Variants in ETS1 observed in about 807,000 individuals in gnomAD.
ETS1 encodes the protein protein C-ets-1.
In ETS1, 15 loss-of-function variants were observed where a neutral mutation model predicts 58.6. The ratio of observed to expected loss-of-function variants is 0.26; its 90% CI spans 0.17 to 0.39. The LOEUF is 0.39. Among genes scored for constraint, ETS1 ranks in the 10% least tolerant of loss-of-function variants. The pLI, the probability that ETS1 is intolerant of heterozygous loss-of-function variation, is 1.00. For synonymous variants in ETS1, 214 were observed against 218.2 expected (o/e 0.98, Z 0.17); for missense variants, 417 against 610.5 (o/e 0.68, Z 3.34).
chr11:128,585,022 A>AAGGAAGGAAG (rs1555092954), intron 1 of ETS1, among the ~76,000 whole-genome samples: 1 of 14,362 alleles, frequency 7.0e-5, no homozygotes, highest in Non-Finnish European at 1.4e-4. Context: ...GAAAGAAAGA[A>AAGGAAGGAAG]GAAAGAAAGA....
intron 3 of ETS1, among the ~76,000 whole-genome samples, chr11:128,544,340 A>AATTATATATATATATAT (rs1864099224): frequency 8.5e-6 from 1 of 117,088 alleles, no homozygotes; most frequent in African/African-American, 3.2e-5. Context: ...ATTGTTTACT[A>AATTATATATATATATAT]ATATATATAT....
chr11:128,515,218 G>A (rs183327526), intron 3 of ETS1, among the ~76,000 whole-genome samples: 22 of 151,758 alleles, frequency 1.4e-4, no homozygotes, highest in Admixed American at 1.1e-3. Context: ...ATGAAGACAC[G>A]TCCCTCTACT....
chr11:128,467,177 G>A (rs567178541), intron 8 of ETS1, among the ~76,000 whole-genome samples: 2 of 152,202 alleles, frequency 1.3e-5, no homozygotes, highest in African/African-American at 4.8e-5. Flanking sequence ...GCAGTTCCTG[G>A]CTGGGCCCGT....
chr11:128,585,794 AATCCCTG>A (rs1258304099), intron 1 of ETS1, among the ~76,000 whole-genome samples: 1 of 152,216 alleles, frequency 6.6e-6, no homozygotes, highest in Non-Finnish European at 1.5e-5. Context: ...AGACACGTTC[AATCCCTG>A]TTCTCTGTTA....
chr11:128,521,840 G>T, intron 3 of ETS1: 2 of 1,217,508 alleles, frequency 1.6e-6, no homozygotes. Context: ...AACGGCGAAA[G>T]GGGGAAGAAG....
At chr11:128,517,501 G>A (rs1565393087) in intron 3 of ETS1, among the ~76,000 whole-genome samples, 1 of 152,182 alleles carries the variant, frequency 6.6e-6, no homozygotes, top group Non-Finnish European at 1.5e-5. Flanking sequence ...ATCTGGCTGT[G>A]CCCAGCACAC....
chr11:128,479,653 A>C (rs1476838486), intron 8 of ETS1, among the ~76,000 whole-genome samples: 1 of 152,202 alleles, frequency 6.6e-6, no homozygotes, highest in East Asian at 1.9e-4. Flanking sequence ...GAGTAAGAGA[A>C]GGGGCATTCT....
chr11:128,585,314 A>AGG (rs1198898090), intron 1 of ETS1, among the ~76,000 whole-genome samples: 2 of 94,996 alleles, frequency 2.1e-5, no homozygotes, highest in African/African-American at 3.8e-5. Flanking sequence ...GAAGGGAGGG[A>AGG]AGAAGGAAGG....
intron 9 of ETS1, 96 bp from the exon 10 acceptor site, chr11:128,462,672 G>A (rs917049327): frequency 5.6e-5 from 48 of 861,416 alleles, no homozygotes; most frequent in Admixed American, 2.2e-4. Context: ...ACCCATTCAT[G>A]GTGACCCATG....
intron 1 of ETS1, among the ~76,000 whole-genome samples, chr11:128,578,741 C>A (rs1195777116): frequency 2.0e-5 from 3 of 152,060 alleles, no homozygotes; most frequent in African/African-American, 7.2e-5. Flanking sequence ...TCTTTTGTAA[C>A]CTGCTTTGTT....
At chr11:128,544,483 C>T (rs986589979) in intron 3 of ETS1, among the ~76,000 whole-genome samples, 2 of 151,504 alleles carry the variant, frequency 1.3e-5, no homozygotes. Flanking sequence ...TCCCTGAGCC[C>T]CTCACCCCTG....
In ETS1 at chr11:128,459,704, G is replaced by A. The variant is rs1861854463; in HGVS notation, c.*2657C>T. The A allele has an allele frequency of 6.5e-6, 1 of 152,756 alleles. No homozygotes were observed. The highest frequency in any genetic ancestry group is 1.5e-5 in the Non-Finnish European group (1 of 68,034). The allele number at this position is 152,756 out of a possible 1,614,324, so 9.5% of individuals were successfully genotyped here. On this transcript the variant is annotated 3_prime_UTR_variant, in exon 10 of 10. Coordinates refer to ENST00000392668, the MANE Select transcript of ETS1 (RefSeq NM_001143820.2). Reference sequence around the variant, plus strand: ...GATGGTCTCTGGCCTTTGGACAAAGGAGAAAAAACATCTGGCCAGATCGAC... The same window carrying A: ...GATGGTCTCTGGCCTTTGGACAAAGAAGAAAAAACATCTGGCCAGATCGAC...
rs1861905993 is a variant in ETS1, at chr11:128,461,564, G to C, written c.*797C>G. The C allele has an allele frequency of 6.6e-6, 1 of 152,532 alleles. No individual in the cohort carries two copies. Among genetic ancestry groups the C allele is most frequent in the South Asian group, 2.1e-4 (1 of 4,810 alleles). The allele number at this position is 152,532 out of a possible 1,614,324, so 9.4% of individuals were successfully genotyped here. On this transcript the variant is annotated 3_prime_UTR_variant, in exon 10 of 10. Coordinates refer to ENST00000392668, the MANE Select transcript of ETS1 (RefSeq NM_001143820.2). ...ACATAATTCCCCTGTACCCAAATCA[G>C]CATTAATTGTCCTTCTTATATAAGT...
At chr11:128,490,015 C>G (rs1862752651) in intron 4 of ETS1, among the ~76,000 whole-genome samples, 1 of 152,136 alleles carries the variant, frequency 6.6e-6, no homozygotes, top group Non-Finnish European at 1.5e-5. Context: ...TTATTAGGTG[C>G]CTGTATTATA....
Position 128,549,074 on chromosome 11 carries a change from T to C in ETS1, c.214+7217A>G, listed in dbSNP as rs1864184905. Among the ~76,000 whole-genome samples the C allele has an allele frequency of 6.6e-6, 1 of 152,118 alleles. No homozygotes were observed. The highest frequency in any genetic ancestry group is 1.5e-5 in the Non-Finnish European group (1 of 68,002). ...CGGGCCGCCTCCTCCAGCTGCAGGC[T>C]CCGGGCTGAGACCCCTGGCTGCAGT... is the stretch of plus-strand genomic sequence containing the variant. On this transcript the variant is annotated intron_variant, in intron 3 of 9. Coordinates refer to ENST00000392668, the MANE Select transcript of ETS1 (RefSeq NM_001143820.2). The surrounding 1 kb of genome is among the most constrained non-coding windows in gnomAD (Gnocchi z 4.3).
chr11:128,566,705 T>C (rs1319105362), intron 2 of ETS1, among the ~76,000 whole-genome samples: 2 of 150,706 alleles, frequency 1.3e-5, no homozygotes, highest in South Asian at 2.1e-4. Context: ...ATGGCGTGAA[T>C]CTGGGGGGCA....
Position 128,549,857 on chromosome 11 carries a change from A to G in ETS1, c.214+6434T>C, listed in dbSNP as rs936725587. Among the ~76,000 whole-genome samples the G allele has an allele frequency of 6.6e-6, 1 of 152,122 alleles. No individual in the cohort carries two copies. Among genetic ancestry groups the G allele is most frequent in the Admixed American group, 6.5e-5 (1 of 15,280 alleles). ...AGGCTGGCCTCTCCTTTGGCTGGTG[A>G]AATGAGGCACAGTGGGCAGATGCTA... On this transcript the variant is annotated intron_variant, in intron 3 of 9. Coordinates refer to ENST00000392668, the MANE Select transcript of ETS1 (RefSeq NM_001143820.2). This position sits in a 1 kb window ranked among gnomAD's most constrained non-coding sequence, Gnocchi z 4.3.
rs558331476 is a variant in ETS1, at chr11:128,545,778, G to A, written c.214+10513C>T. ...GCACAGATATCTAACAGGAAGTTCCGAGGGATCTAAACCATGTTAAAAACA... is the reference window on the plus strand; with the variant it reads ...GCACAGATATCTAACAGGAAGTTCCAAGGGATCTAAACCATGTTAAAAACA... On this transcript the variant is annotated intron_variant, in intron 3 of 9. Coordinates refer to ENST00000392668, the MANE Select transcript of ETS1 (RefSeq NM_001143820.2). 3.9e-5 allele frequency among the ~76,000 whole-genome samples: 6 copies of A among 152,268 alleles called. No homozygotes were observed. The South Asian group carries it at 6.2e-4, about 16-fold the overall frequency.
chr11:128,489,203 T>C (rs1186767585), intron 5 of ETS1, 87 bp downstream of exon 5: 1 of 1,124,296 alleles, frequency 8.9e-7, no homozygotes, highest in Non-Finnish European at 1.3e-6. Context: ...GATAAAGGCA[T>C]TGACGTCCCA....
Sources: allele counts gnomAD v4.1 joint callset (sites outside exome capture counted in the v4.1 genomes callset), GRCh38; gene constraint gnomAD v4.1.1; non-coding constraint Gnocchi (gnomAD v3.1); transcripts MANE v1.5; gene names NCBI Gene and HGNC (gene_info 2026-07-23, HGNC 2026-07-21).